Variants in PKHD1 observed in about 807,000 individuals in gnomAD.
PKHD1 encodes the protein PKHD1 ciliary IPT domain containing fibrocystin/polyductin, also known as fibrocystin.
Under a neutral mutation model 412.0 loss-of-function variants are expected in PKHD1, and 291 were observed. The observed-to-expected ratio is 0.71, with a 90% CI of 0.64 to 0.78. The LOEUF is 0.78. Ranked by LOEUF, PKHD1 falls within the 30% of genes least tolerant of loss-of-function variation. The pLI is 0.00. For missense variants in PKHD1, 4,825 were observed against 4,950.7 expected, an observed-to-expected ratio of 0.97 and a Z score of 0.76; for synonymous variants, 1,777 against 1,821.5, an observed-to-expected ratio of 0.98 and a Z score of 0.62.
At chr6:51,629,550 C>T (rs1209470328) in intron 65 of PKHD1, among the ~76,000 whole-genome samples, 1 of 151,374 alleles carries the variant, frequency 6.6e-6, no homozygotes, top group African/African-American at 2.4e-5. Context: ...AAGGATATAC[C>T]CTGAAATAAA....
At chr6:51,859,293 G>A (rs189146162) in intron 48 of PKHD1, among the ~76,000 whole-genome samples, 23 of 152,048 alleles carry the variant, frequency 1.5e-4, no homozygotes, top group African/African-American at 5.1e-4. Context: ...TTGGGACGCC[G>A]AGGCGGGTGG....
intron 6 of PKHD1, 26 bp from the exon 7 acceptor site, chr6:52,073,567 T>A: frequency 7.7e-7 from 1 of 1,306,332 alleles, no homozygotes; most frequent in African/African-American, 1.4e-5. Context: ...TTTTTTTAAT[T>A]TAATGGACTT....
chr6:51,638,387 C>T (rs574605548), intron 64 of PKHD1, among the ~76,000 whole-genome samples: 1 of 152,024 alleles, frequency 6.6e-6, no homozygotes, highest in South Asian at 2.1e-4. Flanking sequence ...TCAAAAAGAA[C>T]TGGATCAGAT....
intron 37 of PKHD1, among the ~76,000 whole-genome samples, chr6:51,919,535 T>C (rs1784362337): frequency 6.6e-6 from 1 of 152,224 alleles, no homozygotes; most frequent in African/African-American, 2.4e-5. Context: ...ACTGTTGCCT[T>C]GTAATATCGT....
In PKHD1 at chr6:51,933,828, C is replaced by T. The variant is rs368362728; in HGVS notation, c.6121+282G>A. Among the ~76,000 whole-genome samples, 8 of 152,248 alleles carry T rather than the reference C, an allele frequency of 5.3e-5. No individual in the cohort carries two copies. In the South Asian group the frequency reaches 1.0e-3, roughly 20 times the overall value. On this transcript the variant is annotated intron_variant, in intron 37 of 66. Transcript: ENST00000371117. ...GCTAAGTCTGCTCTTGCAAAGGGGC[C>T]GGGAAGTATGGTCCACCCACAAGGA...
At chr6:51,788,887 C>T (rs1162487909) in intron 53 of PKHD1, among the ~76,000 whole-genome samples, 1 of 152,180 alleles carries the variant, frequency 6.6e-6, no homozygotes, top group Non-Finnish European at 1.5e-5. Flanking sequence ...GAAGAAGGTT[C>T]TACTCTTATC....
intron 3 of PKHD1, among the ~76,000 whole-genome samples, 157 bp downstream of exon 3, chr6:52,083,021 C>T (rs769793282): frequency 2.6e-5 from 4 of 152,134 alleles, no homozygotes; most frequent in Non-Finnish European, 5.9e-5. Flanking sequence ...ATTAGCAAGC[C>T]AGTATCTAGA....
chr6:52,018,449 G>T (rs1343546063), intron 33 of PKHD1, among the ~76,000 whole-genome samples: 3 of 152,096 alleles, frequency 2.0e-5, no homozygotes, highest in African/African-American at 7.2e-5. Flanking sequence ...TGCCAATCAG[G>T]TGTGTAAAAT....
At position 52,048,558 on chromosome 6, in the gene PKHD1, G is replaced by A. The variant is rs398124478; in HGVS notation, c.2341C>T (p.Arg781Ter). 73 of 1,613,852 alleles carry A rather than the reference G, an allele frequency of 4.5e-5. No homozygotes were observed. Among genetic ancestry groups the A allele is most frequent in the Non-Finnish European group, 5.4e-5 (64 of 1,179,866 alleles). Residue 781 changes from arginine to a stop codon, truncating the protein, a stop_gained, in exon 23 of 67, where the codon CGA becomes TGA. Transcript: ENST00000371117. LOFTEE classifies it high-confidence loss of function. Reference protein sequence around the residue: ...SGLVLVTTQRRQRTSPPLGGH... With the variant: ...SGLVLVTTQR ...CCTAGAGGTGGACTTGTCCGCTGTC[G>A]TCTCTGTGTCGTCACCAGGACCAGT...
intron 35 of PKHD1, among the ~76,000 whole-genome samples, chr6:51,965,319 G>C (rs1269536728): frequency 6.6e-6 from 1 of 152,048 alleles, no homozygotes; most frequent in Non-Finnish European, 1.5e-5. Context: ...GGCCTTGCAG[G>C]GGAAATCAAG....
intron 51 of PKHD1, among the ~76,000 whole-genome samples, chr6:51,833,035 A>G (rs1456241830): frequency 6.6e-6 from 1 of 152,142 alleles, no homozygotes; most frequent in East Asian, 1.9e-4. Flanking sequence ...CTGCTTCCCA[A>G]CATTAGACCC....
At chr6:51,684,780 A>G (rs1273249450) in intron 60 of PKHD1, among the ~76,000 whole-genome samples, 2 of 152,156 alleles carry the variant, frequency 1.3e-5, no homozygotes, top group South Asian at 2.1e-4. Flanking sequence ...CAGAAGGTAC[A>G]AGCAGCTGGT....
chr6:51,761,696 AG>A (rs1788043863), intron 55 of PKHD1, among the ~76,000 whole-genome samples: 1 of 152,118 alleles, frequency 6.6e-6, no homozygotes, highest in Non-Finnish European at 1.5e-5. Context: ...CATGTTGTAC[AG>A]CATAAATACA....
chr6:51,669,504 G>GAAAAA lies in PKHD1; in HGVS notation c.10157-9536_10157-9535insTTTTT, dbSNP rs1240551868. Among the ~76,000 whole-genome samples, 21 of 148,656 alleles carry GAAAAA rather than the reference G, an allele frequency of 1.4e-4. No individual in the cohort carries two copies. In the East Asian group the frequency reaches 3.4e-3, roughly 24 times the overall value. On this transcript the variant is annotated intron_variant, in intron 60 of 66. Coordinates refer to ENST00000371117, the MANE Select transcript of PKHD1 (RefSeq NM_138694.4). ...GATCCTTTCAAAAAACCAGCTCCTG[G>GAAAAA]ATTCATTAATTTTTTGAAGGGTTTT... is the stretch of plus-strand genomic sequence containing the variant.
intron 52 of PKHD1, among the ~76,000 whole-genome samples, chr6:51,822,354 C>T (rs6935568): frequency 0.054 from 8,255 of 152,222 alleles, 235 homozygotes; most frequent in South Asian, 0.07. Context: ...TACCATCCTC[C>T]TTGTCCTCCT....
chr6:51,633,007 A>G (rs1200116800), intron 64 of PKHD1, among the ~76,000 whole-genome samples: 2 of 152,102 alleles, frequency 1.3e-5, no homozygotes, highest in African/African-American at 4.8e-5. Context: ...AACCTTCCAT[A>G]CCAATGCAAA....
intron 60 of PKHD1, among the ~76,000 whole-genome samples, chr6:51,714,730 C>T (rs2150782314): frequency 6.6e-6 from 1 of 152,170 alleles, no homozygotes; most frequent in African/African-American, 2.4e-5. Flanking sequence ...AAAAGATACA[C>T]AGGCAGAGCC....
intron 60 of PKHD1, among the ~76,000 whole-genome samples, chr6:51,686,789 C>T (rs939427898): frequency 5.9e-5 from 9 of 152,068 alleles, no homozygotes; most frequent in African/African-American, 1.9e-4. Flanking sequence ...TGCATCCATT[C>T]GTTTTCAATG....
chr6:51,755,308 C>A (rs1373661287), intron 55 of PKHD1, among the ~76,000 whole-genome samples: 1 of 152,144 alleles, frequency 6.6e-6, no homozygotes, highest in Admixed American at 6.5e-5. Flanking sequence ...GAACTTTTCT[C>A]TAATTTTCTA....
Sources: allele counts gnomAD v4.1 joint callset (sites outside exome capture counted in the v4.1 genomes callset), GRCh38; gene constraint gnomAD v4.1.1; transcripts MANE v1.5; gene names NCBI Gene and HGNC (gene_info 2026-07-23, HGNC 2026-07-21).